Variants in ZNF688 observed in about 807,000 individuals in gnomAD.
ZNF688 encodes zinc finger protein 688.
In ZNF688, 10 loss-of-function variants were observed where a neutral mutation model predicts 13.2. The observed-to-expected ratio is 0.76, with a 90% confidence interval of 0.47 to 1.28. The LOEUF (loss-of-function observed/expected upper bound fraction) is 1.28. Among genes scored for constraint, ZNF688 ranks in the 50% most tolerant of loss-of-function variants. The pLI is 0.00. For missense variants in ZNF688, 381 were observed against 391.4 expected (o/e 0.97, Z 0.22); for synonymous variants, 160 against 159.4 (o/e 1.00, Z -0.03).
rs1597137736 is a variant in ZNF688 at position 30,569,752 on chromosome 16, TC to T, written c.*163del. On this transcript the variant is annotated 3_prime_UTR_variant, in exon 3 of 3. Transcript: ENST00000223459. Reference sequence around the variant, plus strand: ...GGGTGGCAAGTCTAATCTATTCGAATCTTTACAGGCACTTTTCTTTTTACAA... The same window carrying T: ...GGGTGGCAAGTCTAATCTATTCGAATTTTACAGGCACTTTTCTTTTTACAA... 1.9e-6 allele frequency: 1 copy of T among 524,494 alleles called. No homozygotes were observed. The highest frequency in any genetic ancestry group is 4.8e-5 in the East Asian group (1 of 20,698). 32.5% of individuals were successfully genotyped at this position (524,494 alleles called of 1,614,324 possible).
chr16:30,570,047 G>A lies in ZNF688; in HGVS notation c.700C>T (p.Arg234Cys). Residue 234 changes from arginine (R) to cysteine (C), a missense_variant, in exon 3 of 3, where the codon CGC becomes TGC. Physicochemically the swap from Arg to Cys is radical, Grantham distance 180 (BLOSUM62 -3). Transcript: ENST00000223459. ...FAVEAHQWIH[R>C]SCSGGRRGRR... The stretch of plus-strand genomic sequence containing the variant: ...CCCCGCCGCCCCCCGGAGCAGGAGC[G>A]GTGGATCCACTGGTGCGCTTCCACT... The A allele has an allele frequency of 6.2e-7, 1 of 1,610,878 alleles. No homozygotes were observed. Among genetic ancestry groups the A allele is most frequent in the South Asian group, 1.1e-5 (1 of 90,920 alleles).
intron 2 of ZNF688, 27 bp downstream of exon 2, chr16:30,570,983 G>A (rs764590058): frequency 3.1e-6 from 5 of 1,612,528 alleles, no homozygotes; most frequent in Admixed American, 1.7e-5. Flanking sequence ...GGAAAACCAA[G>A]TGGGGGGACC....
Position 30,571,070 on chromosome 16 carries a change from C to T in ZNF688, c.250G>A (p.Ala84Thr). ...LISWMEQESEAWSPAAQDPEK... is the reference protein window; with the variant it reads ...LISWMEQESETWSPAAQDPEK... ...GGATCCTGGGCGGCGGGGCTCCAAG[C>T]CTCACTCTCCTGTTCCATCCAAGAG... is the stretch of plus-strand genomic sequence containing the variant. The change falls in exon 2 of 3, where the codon GCT (alanine) becomes ACT (threonine). Residue 84 changes from alanine (A) to threonine (T), a missense_variant. Coordinates refer to ENST00000223459, the MANE Select transcript of ZNF688 (RefSeq NM_145271.4). 6.2e-7 allele frequency: 1 copy of T among 1,610,552 alleles called. No individual in the cohort carries two copies. The highest frequency in any genetic ancestry group is 8.5e-7 in the Non-Finnish European group (1 of 1,178,734).
upstream of ZNF688, chr16:30,572,275 T>C: frequency 6.6e-7 from 1 of 1,520,590 alleles, no homozygotes; most frequent in Non-Finnish European, 8.8e-7. Flanking sequence ...GACCTCGGCA[T>C]CTGCGGTGCT....
upstream of ZNF688, chr16:30,572,291 T>TTG: frequency 1.3e-6 from 2 of 1,495,188 alleles, no homozygotes; most frequent in Non-Finnish European, 1.8e-6. Context: ...GTGCTCGGGA[T>TTG]TGTGTCCCCT....
rs2051641633 is a variant in ZNF688, at chr16:30,569,797, C to T, written c.*119G>A. The T allele has an allele frequency of 3.9e-6, 5 of 1,270,024 alleles. No individual in the cohort carries two copies. The South Asian group carries it at 9.9e-5, about 25-fold the overall frequency. The allele number at this position is 1,270,024 out of a possible 1,614,324, so 78.7% of individuals were successfully genotyped here. ...TTTACAAGTTGGAAACTTGAGGGAT[C>T]CTTGAGGAAAGCCCAGGGCATGAAT... On this transcript the variant is annotated 3_prime_UTR_variant, in exon 3 of 3. Transcript: ENST00000223459.
At chr16:30,571,748 C>T (rs1005647731), upstream of ZNF688, 39 of 1,336,458 alleles carry the variant, frequency 2.9e-5, no homozygotes, top group Non-Finnish European at 3.5e-5. Flanking sequence ...GGCGTCCGAA[C>T]GCAGCCGAGG....
chr16:30,571,289 G>T (rs1366081203), intron 1 of ZNF688, 145 bp downstream of exon 1: 8 of 1,537,862 alleles, frequency 5.2e-6, no homozygotes, highest in Middle Eastern at 3.3e-4. Flanking sequence ...TCCCGAGGGG[G>T]TACCTGAAGC....
upstream of ZNF688, chr16:30,572,128 G>A: frequency 6.3e-7 from 1 of 1,598,968 alleles, no homozygotes. Context: ...TTACCCCTCT[G>A]TACCCGCAAT....
chr16:30,571,135 C>A lies in ZNF688; in HGVS notation c.197-12G>T. The A allele has an allele frequency of 8.3e-6, 13 of 1,568,700 alleles. No homozygotes were observed. The highest frequency in any genetic ancestry group is 1.1e-5 in the Non-Finnish European group (13 of 1,157,702). ...GGGGCCTGGGAATCCTGGGAGAGAA[C>A]AGGGATCACAGCGCGGGCCTGAGAG... On this transcript the variant is annotated splice_polypyrimidine_tract_variant and intron_variant, in intron 1 of 2. Coordinates refer to ENST00000223459, the MANE Select transcript of ZNF688 (RefSeq NM_145271.4).
At chr16:30,572,377 CT>C (rs1232913119), upstream of ZNF688, 10 of 1,313,702 alleles carry the variant, frequency 7.6e-6, no homozygotes, top group Non-Finnish European at 8.9e-6. Flanking sequence ...CGCGCACACC[CT>C]GGCAAACCAT....
At chr16:30,571,929 T>G, upstream of ZNF688, 1 of 1,284,986 alleles carries the variant, frequency 7.8e-7, no homozygotes. Context: ...TGTCACAGGC[T>G]GCTCTTAAGG....
Position 30,571,663 on chromosome 16 carries a change from T to A in ZNF688, c.-34A>T. ...GCAGCCCCGATCGGCGGCCGCCAGGTCCCTGGAGCCGCCGCCTCCCCGCTC... is the reference window on the plus strand; with the variant it reads ...GCAGCCCCGATCGGCGGCCGCCAGGACCCTGGAGCCGCCGCCTCCCCGCTC... On this transcript the variant is annotated 5_prime_UTR_variant, in exon 1 of 3. Transcript: ENST00000223459. 6.6e-6 allele frequency: 9 copies of A among 1,364,636 alleles called. No individual in the cohort carries two copies. The highest frequency in any genetic ancestry group is 8.5e-6 in the Non-Finnish European group (9 of 1,061,904). 84.5% of individuals were successfully genotyped at this position (1,364,636 alleles called of 1,614,324 possible).
At chr16:30,571,826 A>G, upstream of ZNF688, 1 of 1,308,164 alleles carries the variant, frequency 7.6e-7, no homozygotes. Flanking sequence ...ATAATTCCTC[A>G]GTGTTTATTC....
Position 30,569,840 on chromosome 16 carries a change from C to A in ZNF688, c.*76G>T, listed in dbSNP as rs1296441515. 14 of 1,474,346 alleles carry A rather than the reference C, an allele frequency of 9.5e-6. No homozygotes were observed. Among genetic ancestry groups the A allele is most frequent in the Non-Finnish European group, 1.3e-5 (14 of 1,112,010 alleles). 91.3% of individuals were successfully genotyped at this position (1,474,346 alleles called of 1,614,324 possible). A position where few individuals can be genotyped will look rare whatever the true frequency, so the allele number is the denominator to read the frequency against. On this transcript the variant is annotated 3_prime_UTR_variant, in exon 3 of 3. Transcript: ENST00000223459. ...GCATGAATTTCAGTTCCGGAGTCCCCGACTCAGTGGCCCACCTCAGGGATC... is the reference window on the plus strand; with the variant it reads ...GCATGAATTTCAGTTCCGGAGTCCCAGACTCAGTGGCCCACCTCAGGGATC...
upstream of ZNF688, among the ~76,000 whole-genome samples, chr16:30,575,024 G>A (rs1280867585): frequency 6.6e-6 from 1 of 152,080 alleles, no homozygotes; most frequent in Non-Finnish European, 1.5e-5. Flanking sequence ...CATCCATGCT[G>A]TAAACATGAT....
Position 30,570,356 on chromosome 16 carries a change from T to C in ZNF688, c.391A>G (p.Ser131Gly), listed in dbSNP as rs1246452655. The part of the protein sequence containing the change: ...KGPRKAPVKE[S>G]PEVLVERNPD... ...TTGCGTTCCACCAGCACTTCAGGAC[T>C]CTCCTTCACAGGAGCCTTTCTAGGC... is the stretch of plus-strand genomic sequence containing the variant. The change falls in exon 3 of 3, where the codon AGT (serine) becomes GGT (glycine). Residue 131 changes from serine (S) to glycine (G), a missense_variant. Ser to Gly is a moderately conservative substitution (Grantham distance 56). Transcript: ENST00000223459. 2 of 1,613,958 alleles carry C rather than the reference T, an allele frequency of 1.2e-6. No individual in the cohort carries two copies. The highest frequency in any genetic ancestry group is 1.3e-5 in the African/African-American group (1 of 74,948).
At chr16:30,576,479 G>A (rs1434198473), upstream of ZNF688, among the ~76,000 whole-genome samples, 2 of 152,090 alleles carry the variant, frequency 1.3e-5, no homozygotes, top group Non-Finnish European at 2.9e-5. Flanking sequence ...CAAAGTGCTG[G>A]GATTACAGGC....
Position 30,571,480 on chromosome 16 carries a change from C to T in ZNF688, c.150G>A (p.Leu50=), listed in dbSNP as rs1368643321. The T allele has an allele frequency of 1.9e-6, 3 of 1,590,536 alleles. No individual in the cohort carries two copies. The highest frequency in any genetic ancestry group is 3.5e-5 in the Admixed American group (2 of 56,886). The stretch of plus-strand genomic sequence containing the variant: ...AGGTCTCCTGCATCACGTCCCGGTA[C>T]AGAGCCCTCTGCGCGGGCCGCAGAC... ...WGCLRPAQRA[L]YRDVMQETYG... Residue 50 remains leucine, a synonymous_variant, in exon 1 of 3, where the codon CTG becomes CTA. Coordinates refer to ENST00000223459, the MANE Select transcript of ZNF688 (RefSeq NM_145271.4).
Sources: allele counts gnomAD v4.1 joint callset (sites outside exome capture counted in the v4.1 genomes callset), GRCh38; gene constraint gnomAD v4.1.1; transcripts MANE v1.5; gene names NCBI Gene and HGNC (gene_info 2026-07-23, HGNC 2026-07-21).